DAB1: variants seen among roughly 807,000 people sequenced by gnomAD.
DAB1 encodes the protein disabled homolog 1.
A neutral mutation model predicts 64.6 loss-of-function variants in DAB1; 15 were observed. That is an observed-to-expected ratio of 0.23 (90% CI 0.16 to 0.36). The LOEUF is 0.36. DAB1 is among the 10% of genes least tolerant of loss of function. DAB1 has a pLI of 1.00. For missense variants in DAB1, 596 were observed against 706.7 expected, an observed-to-expected ratio of 0.84 and a Z score of 1.78; for synonymous variants, 235 against 251.9, an observed-to-expected ratio of 0.93 and a Z score of 0.64.
At chr1:58,053,639 A>G (rs1271266860) in intron 5 of DAB1, among the ~76,000 whole-genome samples, 1 of 152,212 alleles carries the variant, frequency 6.6e-6, no homozygotes, top group East Asian at 1.9e-4. Context: ...CAGATGGTAA[A>G]TGAAAATAGA....
rs563517033 is a variant in DAB1 at position 57,943,779 on chromosome 1, A to G, written n.388-59617T>C. On this transcript the variant is annotated intron_variant and non_coding_transcript_variant, in intron 5 of 20. Coordinates refer to the DAB1 transcript ENST00000485760. ...GTAATTACCTAAATCACCCTCTACC[A>G]TACTCATACCCGAGATTTATGGTAA... Among the ~76,000 whole-genome samples, 9 of 152,240 alleles carry G rather than the reference A, an allele frequency of 5.9e-5. No homozygotes were observed. In the South Asian group the frequency reaches 1.9e-3, roughly 32 times the overall value.
At chr1:58,465,831 T>C (rs1359423316) in intron 3 of DAB1, among the ~76,000 whole-genome samples, 2 of 152,172 alleles carry the variant, frequency 1.3e-5, no homozygotes, top group East Asian at 3.8e-4. Context: ...ACTGGGGGGT[T>C]CAGTGCCTTG....
At chr1:58,356,792 G>A (rs1644115529) in intron 3 of DAB1, among the ~76,000 whole-genome samples, 1 of 152,092 alleles carries the variant, frequency 6.6e-6, no homozygotes, top group Non-Finnish European at 1.5e-5. Flanking sequence ...AGGCCAAGGT[G>A]GAAGGATTGC....
intron 1 of DAB1, among the ~76,000 whole-genome samples, chr1:57,859,415 C>T (rs554572537): frequency 1.3e-5 from 2 of 151,962 alleles, no homozygotes; most frequent in South Asian, 2.1e-4. Flanking sequence ...TGCCAGATGC[C>T]GTAATAGGCA....
chr1:57,220,909 A>G (rs577819771), intron 2 of DAB1, among the ~76,000 whole-genome samples: 1 of 152,346 alleles, frequency 6.6e-6, no homozygotes, highest in Non-Finnish European at 1.5e-5. Context: ...ATATACCCAA[A>G]GGATTATAAA....
intron 2 of DAB1, among the ~76,000 whole-genome samples, chr1:57,270,618 T>C (rs1211678661): frequency 6.6e-6 from 1 of 152,212 alleles, no homozygotes; most frequent in Non-Finnish European, 1.5e-5. Flanking sequence ...TTAAATACTC[T>C]TCATTATTTG....
At chr1:58,458,055 A>G (rs1003421874) in intron 3 of DAB1, among the ~76,000 whole-genome samples, 1 of 152,262 alleles carries the variant, frequency 6.6e-6, no homozygotes, top group South Asian at 2.1e-4. Flanking sequence ...TGATCCAAAC[A>G]GGCATGTCCC....
intron 1 of DAB1, among the ~76,000 whole-genome samples, chr1:57,391,945 C>T (rs961685354): frequency 1.3e-5 from 2 of 152,060 alleles, no homozygotes; most frequent in African/African-American, 4.8e-5. Context: ...TTTGTCTCTC[C>T]TAGATAAGTT....
intron 5 of DAB1, chr1:58,077,860 T>G (rs1649750863): frequency 6.6e-6 from 1 of 152,222 alleles, no homozygotes; most frequent in African/African-American, 2.4e-5. Context: ...TGCAAGGAGT[T>G]GGCAATTATT....
At chr1:57,398,172 G>T (rs1682962453) in intron 1 of DAB1, among the ~76,000 whole-genome samples, 1 of 152,196 alleles carries the variant, frequency 6.6e-6, no homozygotes, top group South Asian at 2.1e-4. Flanking sequence ...TTTGAGCAAG[G>T]CCCATAGGCG....
chr1:57,510,563 T>C (rs1324628663), intron 7 of DAB1, among the ~76,000 whole-genome samples: 3 of 152,166 alleles, frequency 2.0e-5, no homozygotes, highest in African/African-American at 7.2e-5. Flanking sequence ...GCTTTCTAAT[T>C]GGGGTCTCTA....
chr1:57,202,113 A>G (rs1364879678), intron 2 of DAB1, among the ~76,000 whole-genome samples: 2 of 152,158 alleles, frequency 1.3e-5, no homozygotes, highest in East Asian at 1.9e-4. Context: ...TATCTCCCCC[A>G]ATATTCCTAT....
chr1:57,355,319 T>TCTTCCTTC (rs918030236), intron 1 of DAB1, among the ~76,000 whole-genome samples: 1 of 151,700 alleles, frequency 6.6e-6, no homozygotes, highest in Non-Finnish European at 1.5e-5. Context: ...TACTTATCTA[T>TCTTCCTTC]CTTCCTTCCT....
At chr1:57,554,461 A>G (rs1465413480) in intron 7 of DAB1, among the ~76,000 whole-genome samples, 1 of 152,240 alleles carries the variant, frequency 6.6e-6, no homozygotes, top group Non-Finnish European at 1.5e-5. Context: ...GTAAATGCTC[A>G]ATACACTAAC....
chr1:57,202,925 C>G (rs1036946355), intron 2 of DAB1, among the ~76,000 whole-genome samples: 2 of 152,192 alleles, frequency 1.3e-5, no homozygotes, highest in East Asian at 3.9e-4. Flanking sequence ...CACATAGGCA[C>G]AGTTCTAGCT....
intron 9 of DAB1, among the ~76,000 whole-genome samples, chr1:57,041,238 A>G (rs1478795567): frequency 6.6e-6 from 1 of 152,306 alleles, no homozygotes; most frequent in East Asian, 1.9e-4. Context: ...TCACTTCTTC[A>G]TTCTTGGATT....
At chr1:57,025,086 G>A (rs1027623579) in intron 10 of DAB1, among the ~76,000 whole-genome samples, 7 of 152,176 alleles carry the variant, frequency 4.6e-5, no homozygotes, top group East Asian at 1.9e-4. Flanking sequence ...GCACAACTGC[G>A]CAGTGCCCAG....
At chr1:57,371,920 A>G (rs1570392616) in intron 1 of DAB1, among the ~76,000 whole-genome samples, 1 of 152,234 alleles carries the variant, frequency 6.6e-6, no homozygotes, top group South Asian at 2.1e-4. Flanking sequence ...ACATCCTACA[A>G]TGCATAGCAA....
chr1:57,963,370 G>A (rs566236319), intron 5 of DAB1, among the ~76,000 whole-genome samples: 78 of 152,228 alleles, frequency 5.1e-4, no homozygotes, highest in African/African-American at 1.8e-3. Context: ...ACATTAGGCT[G>A]GGTTAGGTAT....
Sources: allele counts gnomAD v4.1 joint callset (sites outside exome capture counted in the v4.1 genomes callset), GRCh38; gene constraint gnomAD v4.1.1; transcripts MANE v1.5; gene names NCBI Gene and HGNC (gene_info 2026-07-23, HGNC 2026-07-21).